STOX1: variants seen among roughly 807,000 people sequenced by gnomAD.
STOX1 encodes the protein storkhead-box protein 1.
Under a neutral mutation model 74.8 loss-of-function variants are expected in STOX1, and 57 were observed. The observed-to-expected ratio is 0.76, with a 90% CI of 0.62 to 0.95. The LOEUF (loss-of-function observed/expected upper bound fraction) is 0.95. Among genes scored for constraint, STOX1 ranks in the 40% least tolerant of loss-of-function variants. The pLI, the probability that STOX1 is intolerant of heterozygous loss-of-function variation, is 0.00. For synonymous variants in STOX1, 375 were observed against 401.3 expected, an observed-to-expected ratio of 0.93 and a Z score of 0.78; for missense variants, 1,010 against 1,117.0, an observed-to-expected ratio of 0.90 and a Z score of 1.37.
chr10:68,892,955 A>C lies in STOX1; in HGVS notation c.*219A>C. ...ATTTTACTGTGAGTTTATTGGGAGT[A>C]TATAGATTATTTTCGATTAAAAAGT... On this transcript the variant is annotated 3_prime_UTR_variant, in exon 4 of 4. Coordinates refer to ENST00000298596, the MANE Select transcript of STOX1 (RefSeq NM_152709.5). The C allele has an allele frequency of 2.1e-6, 1 of 465,628 alleles. No individual in the cohort carries two copies. The highest frequency in any genetic ancestry group is 3.4e-5 in the South Asian group (1 of 29,692). The allele number at this position is 465,628 out of a possible 1,614,324, so 28.8% of individuals were successfully genotyped here.
intron 1 of STOX1, among the ~76,000 whole-genome samples, chr10:68,852,249 C>CT (rs34908700): frequency 0.13 from 15,004 of 118,618 alleles, 1,935 homozygotes; most frequent in Non-Finnish European, 0.16. Flanking sequence ...TCTCTTACTG[C>CT]TTTTTTTTTT....
chr10:68,883,781 T>G (rs1395928332), intron 2 of STOX1, among the ~76,000 whole-genome samples: 4 of 123,648 alleles, frequency 3.2e-5, no homozygotes, highest in African/African-American at 7.2e-5. Flanking sequence ...TTTTTTTTTT[T>G]GAGACAGGGT....
chr10:68,839,870 G>A (rs981521480), intron 1 of STOX1, among the ~76,000 whole-genome samples: 3 of 151,676 alleles, frequency 2.0e-5, no homozygotes, highest in Non-Finnish European at 4.4e-5. Flanking sequence ...GTGAGACTCC[G>A]TTTCAAACAA....
intron 1 of STOX1, among the ~76,000 whole-genome samples, chr10:68,841,880 G>A (rs1839699806): frequency 6.6e-6 from 1 of 152,180 alleles, no homozygotes; most frequent in African/African-American, 2.4e-5. Flanking sequence ...ATCTTCCTGT[G>A]GAAGGAGCTG....
intron 1 of STOX1, among the ~76,000 whole-genome samples, chr10:68,836,252 A>G (rs1392195964): frequency 2.6e-5 from 4 of 152,236 alleles, no homozygotes; most frequent in African/African-American, 4.8e-5. Flanking sequence ...TCCATTGTCT[A>G]CATGGGTACA....
intron 1 of STOX1, among the ~76,000 whole-genome samples, chr10:68,842,908 A>G (rs1839732265): frequency 6.6e-6 from 1 of 152,080 alleles, no homozygotes; most frequent in Admixed American, 6.6e-5. Flanking sequence ...TTGTAAACCA[A>G]ACGAGCCTTT....
chr10:68,855,470 G>T (rs141794747), intron 1 of STOX1, among the ~76,000 whole-genome samples: 2 of 151,224 alleles, frequency 1.3e-5, no homozygotes, highest in Admixed American at 1.3e-4. Flanking sequence ...ACTGGGTCTC[G>T]CTGTATCACC....
At position 68,848,287 on chromosome 10, in the gene STOX1, C is replaced by A. The variant is rs189404437; in HGVS notation, c.310+20354C>A. On this transcript the variant is annotated intron_variant, in intron 1 of 3. Coordinates refer to ENST00000298596, the MANE Select transcript of STOX1 (RefSeq NM_152709.5). The stretch of plus-strand genomic sequence containing the variant: ...CTTAGTCCCTGCTAATGGATCATAA[C>A]TGGAAGATGCTAATTCCACCCAGAC... 1.1e-3 allele frequency among the ~76,000 whole-genome samples: 161 copies of A among 152,330 alleles called. 3 individuals carry two copies. Among genetic ancestry groups the A allele is most frequent in the East Asian group, 1.7e-3 (9 of 5,182 alleles).
At position 68,878,341 on chromosome 10, in the gene STOX1, AG is replaced by A. The variant is rs202222963; in HGVS notation, c.311-3615del. On this transcript the variant is annotated intron_variant, in intron 1 of 3. Transcript: ENST00000298596. ...AAAAGAAAAGAGGGAGTGAGGATAG[AG>A]GCTTGTTACCCTCAGTTCAGAAGTT... Among the ~76,000 whole-genome samples, 1,264 of 152,312 alleles carry A rather than the reference AG, an allele frequency of 8.3e-3. 27 individuals are homozygous for A. The highest frequency in any genetic ancestry group is 0.029 in the African/African-American group (1,204 of 41,574).
At chr10:68,872,997 AT>A (rs1345741736) in intron 1 of STOX1, among the ~76,000 whole-genome samples, 1 of 151,640 alleles carries the variant, frequency 6.6e-6, no homozygotes, top group Non-Finnish European at 1.5e-5. Context: ...GTGCTCAGAT[AT>A]CAAAATAAAC....
intron 3 of STOX1, among the ~76,000 whole-genome samples, chr10:68,888,725 C>G (rs1479340173): frequency 1.4e-5 from 2 of 147,394 alleles, no homozygotes; most frequent in Non-Finnish European, 3.0e-5. Flanking sequence ...GCTTCAACCT[C>G]CCTGGGCTCA....
At chr10:68,841,772 T>C (rs549808458) in intron 1 of STOX1, among the ~76,000 whole-genome samples, 2 of 152,312 alleles carry the variant, frequency 1.3e-5, no homozygotes. Flanking sequence ...ATAATCTGAA[T>C]GCTCCAGTCT....
At chr10:68,843,794 A>G (rs1839756492) in intron 1 of STOX1, among the ~76,000 whole-genome samples, 1 of 151,742 alleles carries the variant, frequency 6.6e-6, no homozygotes, top group Admixed American at 6.5e-5. Flanking sequence ...CCTTGACCTC[A>G]GATGATCCAA....
At chr10:68,837,713 A>G (rs1320065910) in intron 1 of STOX1, among the ~76,000 whole-genome samples, 1 of 152,184 alleles carries the variant, frequency 6.6e-6, no homozygotes, top group Non-Finnish European at 1.5e-5. Flanking sequence ...GCCATGCAGG[A>G]CACCTAGGAT....
chr10:68,865,220 G>T (rs1245345379), intron 1 of STOX1, among the ~76,000 whole-genome samples: 1 of 152,222 alleles, frequency 6.6e-6, no homozygotes, highest in Non-Finnish European at 1.5e-5. Context: ...AACATGCCTT[G>T]TGGCAACACT....
intron 1 of STOX1, among the ~76,000 whole-genome samples, chr10:68,878,986 T>A (rs1228265303): frequency 6.6e-6 from 1 of 152,214 alleles, no homozygotes; most frequent in Non-Finnish European, 1.5e-5. Context: ...TACTCAGACC[T>A]GCAGTGTGAA....
At chr10:68,838,738 A>G (rs1009742694) in intron 1 of STOX1, among the ~76,000 whole-genome samples, 10 of 151,990 alleles carry the variant, frequency 6.6e-5, no homozygotes, top group Admixed American at 2.6e-4. Flanking sequence ...GTGAAACCCC[A>G]TCTCTACTAA....
intron 1 of STOX1, among the ~76,000 whole-genome samples, chr10:68,866,945 GTT>G (rs71474450): frequency 4.8e-5 from 6 of 124,968 alleles, no homozygotes; most frequent in Non-Finnish European, 5.0e-5. Flanking sequence ...TGCTTTCCTT[GTT>G]TTTTTTTTTT....
chr10:68,882,522 G>A (rs1840834622), intron 2 of STOX1, among the ~76,000 whole-genome samples: 2 of 142,982 alleles, frequency 1.4e-5, no homozygotes, highest in Admixed American at 7.1e-5. Context: ...TTTTGAGACA[G>A]AATCTTGCTC....
Sources: allele counts gnomAD v4.1 joint callset (sites outside exome capture counted in the v4.1 genomes callset), GRCh38; gene constraint gnomAD v4.1.1; transcripts MANE v1.5; gene names NCBI Gene and HGNC (gene_info 2026-07-23, HGNC 2026-07-21).